Variants in GPC6 observed in about 807,000 individuals in gnomAD.
GPC6 encodes glypican-6.
Under a neutral mutation model 55.2 loss-of-function variants are expected in GPC6, and 14 were observed. The observed-to-expected ratio is 0.25, with a 90% confidence interval of 0.17 to 0.40. GPC6 has a LOEUF of 0.40. Among genes scored for constraint, GPC6 ranks in the 10% least tolerant of loss-of-function variants. The pLI is 1.00. For synonymous variants in GPC6, 278 were observed against 259.6 expected, an observed-to-expected ratio of 1.07 and a Z score of -0.68; for missense variants, 641 against 708.5, an observed-to-expected ratio of 0.90 and a Z score of 1.08.
intron 3 of GPC6, among the ~76,000 whole-genome samples, chr13:93,846,745 C>T (rs1349964829): frequency 5.3e-5 from 8 of 152,066 alleles, no homozygotes; most frequent in South Asian, 2.1e-4. Context: ...ACCGGGGAGA[C>T]GGAGGTTGCA....
chr13:93,640,830 T>TCC (rs1879901730), intron 2 of GPC6, among the ~76,000 whole-genome samples: 4 of 54,614 alleles, frequency 7.3e-5, no homozygotes, highest in African/African-American at 1.2e-4. Flanking sequence ...CTTCCTTCCT[T>TCC]TGTTCCTTCC....
intron 1 of GPC6, among the ~76,000 whole-genome samples, chr13:93,495,754 C>T (rs1335796225): frequency 1.4e-5 from 2 of 138,870 alleles, no homozygotes; most frequent in African/African-American, 5.4e-5. Context: ...ACAGGACCCT[C>T]AGCTGCAGGT....
At chr13:93,526,197 G>T (rs774582593) in intron 1 of GPC6, among the ~76,000 whole-genome samples, 1 of 151,940 alleles carries the variant, frequency 6.6e-6, no homozygotes, top group African/African-American at 2.4e-5. Flanking sequence ...AATAAAATAT[G>T]GAAATATGGG....
chr13:93,510,959 A>ATATATATATGTGTATATATATATGTG (rs1306056461), intron 1 of GPC6, among the ~76,000 whole-genome samples: 6 of 18,890 alleles, frequency 3.2e-4, no homozygotes, highest in African/African-American at 7.3e-4. Flanking sequence ...AAATATATAT[A>ATATATATATGTGTATATATATATGTG]TATATATATA....
chr13:93,880,762 G>A (rs118056788), intron 3 of GPC6, among the ~76,000 whole-genome samples: 3,160 of 151,856 alleles, frequency 0.021, 51 homozygotes, highest in East Asian at 0.057. Context: ...CTCACAGTAA[G>A]GCTGACTAAT....
chr13:94,034,210 A>AAGGT (rs1883249116), intron 4 of GPC6, among the ~76,000 whole-genome samples: 1 of 143,824 alleles, frequency 7.0e-6, no homozygotes, highest in African/African-American at 2.7e-5. Flanking sequence ...AGAAGGAAGG[A>AAGGT]AGGAAGGAAG....
chr13:94,016,399 G>A (rs940691124), intron 3 of GPC6, among the ~76,000 whole-genome samples: 3 of 152,176 alleles, frequency 2.0e-5, no homozygotes, highest in Admixed American at 6.5e-5. Context: ...AACAATTGAA[G>A]CATTGTTTTC....
At chr13:93,256,700 T>C (rs1025263173) in intron 1 of GPC6, among the ~76,000 whole-genome samples, 1 of 152,210 alleles carries the variant, frequency 6.6e-6, no homozygotes, top group Non-Finnish European at 1.5e-5. Flanking sequence ...AAATACTCTG[T>C]ATACTACTAG....
At chr13:94,187,465 G>C (rs1171397191) in intron 4 of GPC6, 1 of 152,110 alleles carries the variant, frequency 6.6e-6, no homozygotes, top group Non-Finnish European at 1.5e-5. Context: ...AATTTTACTG[G>C]CACCTCAACT....
chr13:94,042,491 A>G (rs1402157137), intron 4 of GPC6, among the ~76,000 whole-genome samples: 1 of 151,844 alleles, frequency 6.6e-6, no homozygotes, highest in African/African-American at 2.4e-5. Context: ...CCAGGATTCC[A>G]TGTGCCTGTA....
chr13:94,156,815 T>G (rs1391103675), intron 4 of GPC6, among the ~76,000 whole-genome samples: 1 of 152,216 alleles, frequency 6.6e-6, no homozygotes, highest in Non-Finnish European at 1.5e-5. Flanking sequence ...AGCTACTGCA[T>G]ATTTTTCTGG....
At chr13:93,882,080 CT>C (rs1042433594) in intron 3 of GPC6, among the ~76,000 whole-genome samples, 2 of 150,850 alleles carry the variant, frequency 1.3e-5, no homozygotes, top group African/African-American at 2.4e-5. Context: ...CTTTTCTCTT[CT>C]TTTTTTTCTT....
intron 3 of GPC6, among the ~76,000 whole-genome samples, chr13:93,984,510 G>A (rs1880939923): frequency 6.6e-6 from 1 of 152,110 alleles, no homozygotes; most frequent in Non-Finnish European, 1.5e-5. Context: ...TTTTACAGAA[G>A]CTTCTCTTTG....
At chr13:93,681,811 T>C (rs1041230453) in intron 2 of GPC6, among the ~76,000 whole-genome samples, 2 of 152,198 alleles carry the variant, frequency 1.3e-5, no homozygotes, top group Non-Finnish European at 2.9e-5. Flanking sequence ...CCCAAAGATA[T>C]CATGATACCT....
At chr13:93,719,513 A>G (rs1883375077) in intron 2 of GPC6, among the ~76,000 whole-genome samples, 1 of 152,076 alleles carries the variant, frequency 6.6e-6, no homozygotes. Context: ...TAAATATACA[A>G]TCGTGCCATC....
chr13:93,764,132 A>G (rs1207244316), intron 2 of GPC6, among the ~76,000 whole-genome samples: 1 of 152,136 alleles, frequency 6.6e-6, no homozygotes, highest in African/African-American at 2.4e-5. Flanking sequence ...CCTAGTCCTA[A>G]GCTTCTAAGC....
chr13:94,009,695 C>T (rs972014341), intron 3 of GPC6, among the ~76,000 whole-genome samples: 2 of 152,118 alleles, frequency 1.3e-5, no homozygotes, highest in African/African-American at 4.8e-5. Flanking sequence ...GAGAACAGAA[C>T]CATATGTCTG....
intron 4 of GPC6, among the ~76,000 whole-genome samples, chr13:94,241,331 A>G (rs990110387): frequency 6.6e-6 from 1 of 152,122 alleles, no homozygotes; most frequent in African/African-American, 2.4e-5. Context: ...CTAAGACACT[A>G]TGGCTTGGAA....
intron 1 of GPC6, among the ~76,000 whole-genome samples, chr13:93,255,094 A>C (rs1230449793): frequency 6.6e-6 from 1 of 152,230 alleles, no homozygotes; most frequent in Non-Finnish European, 1.5e-5. Context: ...AAATGCACGA[A>C]GCAGCAGACA....
Sources: gnomAD v4.1 joint callset for allele counts (sites outside exome capture counted in the v4.1 genomes callset) on GRCh38, gnomAD v4.1.1 for gene constraint, MANE v1.5 for transcripts, NCBI Gene and HGNC (gene_info 2026-07-23, HGNC 2026-07-21) for gene names.